Variants in PTPRK observed in about 807,000 individuals in gnomAD.
PTPRK encodes the protein receptor-type tyrosine-protein phosphatase kappa.
PTPRK carries 75 observed loss-of-function variants against 178.0 expected under a neutral mutation model. The observed-to-expected ratio is 0.42, with a 90% CI of 0.35 to 0.51. The LOEUF (loss-of-function observed/expected upper bound fraction) is 0.51. Among genes scored for constraint, PTPRK ranks in the 20% least tolerant of loss-of-function variants. The pLI, the probability that PTPRK is intolerant of heterozygous loss-of-function variation, is 0.02. For synonymous variants in PTPRK, 637 were observed against 620.6 expected, an observed-to-expected ratio of 1.03 and a Z score of -0.39; for missense variants, 1,441 against 1,797.8, an observed-to-expected ratio of 0.80 and a Z score of 3.59.
chr6:128,066,250 A>T (rs1562520627), intron 12 of PTPRK, among the ~76,000 whole-genome samples: 1 of 152,202 alleles, frequency 6.6e-6, no homozygotes, highest in Non-Finnish European at 1.5e-5. Context: ...ATATGTAGGC[A>T]GAAAGTGGAC....
intron 1 of PTPRK, among the ~76,000 whole-genome samples, chr6:128,440,609 G>A (rs1382051670): frequency 1.3e-5 from 2 of 152,084 alleles, no homozygotes; most frequent in East Asian, 1.9e-4. Context: ...GTATGCGTGT[G>A]TGTATATATA....
intron 1 of PTPRK, among the ~76,000 whole-genome samples, chr6:128,491,012 G>A (rs1853689968): frequency 1.3e-5 from 2 of 152,132 alleles, no homozygotes; most frequent in African/African-American, 2.4e-5. Flanking sequence ...AATCACATTG[G>A]GGGTTAGGGC....
At chr6:128,152,612 C>G (rs1797425633) in intron 7 of PTPRK, among the ~76,000 whole-genome samples, 1 of 151,194 alleles carries the variant, frequency 6.6e-6, no homozygotes, top group African/African-American at 2.4e-5. Flanking sequence ...AAGTTTAATG[C>G]TAGAAATCAA....
At chr6:127,994,988 C>G (rs1252160410) in intron 18 of PTPRK, among the ~76,000 whole-genome samples, 1 of 151,878 alleles carries the variant, frequency 6.6e-6, no homozygotes, top group Non-Finnish European at 1.5e-5. Context: ...CAGAAATCAT[C>G]AACAAATAAA....
chr6:128,036,142 C>T (rs936686447), intron 13 of PTPRK, among the ~76,000 whole-genome samples: 20 of 152,038 alleles, frequency 1.3e-4, no homozygotes, highest in African/African-American at 4.8e-4. Flanking sequence ...ACCTCTGTTC[C>T]ATAAGCATGC....
chr6:128,006,752 A>G (rs1375699589), intron 14 of PTPRK, among the ~76,000 whole-genome samples: 1 of 151,028 alleles, frequency 6.6e-6, no homozygotes, highest in Non-Finnish European at 1.5e-5. Context: ...AAAATGGCAT[A>G]CATTTGGAAA....
Position 128,299,864 on chromosome 6 carries a change from T to G in PTPRK, c.495+22175A>C, listed in dbSNP as rs569687055. On this transcript the variant is annotated intron_variant, in intron 3 of 29. Transcript: ENST00000368226. ...AAGCAATGGCAACAAAACCCAAAAT[T>G]GACAAATGGGATCTAATTAAACTAA... 3.1e-3 allele frequency among the ~76,000 whole-genome samples: 470 copies of G among 151,928 alleles called. 2 individuals carry two copies. Among genetic ancestry groups the G allele is most frequent in the African/African-American group, 0.01 (432 of 41,378 alleles).
chr6:128,464,070 A>G (rs1849437126), intron 1 of PTPRK, among the ~76,000 whole-genome samples: 1 of 152,112 alleles, frequency 6.6e-6, no homozygotes, highest in Non-Finnish European at 1.5e-5. Context: ...TTACTTTTAA[A>G]TAAATGATTC....
Position 128,520,285 on chromosome 6 carries a change from C to T in PTPRK, c.74G>A (p.Gly25Glu), listed in dbSNP as rs1446996939. The change falls in exon 1 of 30, where the codon GGA (glycine) becomes GAA (glutamate). Residue 25 changes from glycine (G) to glutamate (E), a missense_variant. Coordinates refer to ENST00000368226, the MANE Select transcript of PTPRK (RefSeq NM_002844.4). Reference sequence around the variant, plus strand: ...TGCGGAGAACTGGCCTTGGGCCGATCCCAGGAGAGGCCAAGGAGAGAGGAG... The same window carrying T: ...TGCGGAGAACTGGCCTTGGGCCGATTCCAGGAGAGGCCAAGGAGAGAGGAG... ...LLLLSPWPLL[G>E]SAQGQFSAGG... The T allele has an allele frequency of 1.2e-6, 2 of 1,606,348 alleles. No homozygotes were observed. Among genetic ancestry groups the T allele is most frequent in the Admixed American group, 3.4e-5 (2 of 59,210 alleles).
chr6:128,113,129 C>A (rs1399141702), intron 7 of PTPRK, among the ~76,000 whole-genome samples: 2 of 152,010 alleles, frequency 1.3e-5, no homozygotes, highest in Admixed American at 1.3e-4. Flanking sequence ...CTCTTCGCCT[C>A]CAGTTCTATC....
intron 11 of PTPRK, among the ~76,000 whole-genome samples, chr6:128,075,448 C>T (rs1783630854): frequency 6.6e-6 from 1 of 152,032 alleles, no homozygotes; most frequent in Admixed American, 6.6e-5. Context: ...CCTAGGCTAT[C>T]TGCAATTCGT....
At chr6:128,253,829 T>C (rs1210309626) in intron 3 of PTPRK, among the ~76,000 whole-genome samples, 1 of 152,208 alleles carries the variant, frequency 6.6e-6, no homozygotes, top group Non-Finnish European at 1.5e-5. Context: ...AAATATCTAT[T>C]AACAGATGAA....
intron 10 of PTPRK, among the ~76,000 whole-genome samples, 162 bp downstream of exon 10, chr6:128,082,275 C>A (rs754545254): frequency 2.0e-5 from 3 of 152,042 alleles, no homozygotes; most frequent in Non-Finnish European, 4.4e-5. Context: ...ACATATAATT[C>A]ATATTCAAAT....
intron 6 of PTPRK, among the ~76,000 whole-genome samples, chr6:128,212,087 A>G (rs113082558): frequency 6.7e-4 from 102 of 152,066 alleles, no homozygotes; most frequent in Non-Finnish European, 1.0e-3. Flanking sequence ...TAGGTAGACT[A>G]TTTTTTATTT....
At chr6:128,246,016 T>C (rs2128286408) in intron 3 of PTPRK, among the ~76,000 whole-genome samples, 1 of 152,298 alleles carries the variant, frequency 6.6e-6, no homozygotes, top group East Asian at 1.9e-4. Flanking sequence ...AAGGATTAAA[T>C]AGCAGCATAT....
intron 7 of PTPRK, among the ~76,000 whole-genome samples, chr6:128,169,447 A>ATC (rs1383186269): frequency 6.6e-6 from 1 of 152,036 alleles, no homozygotes; most frequent in Non-Finnish European, 1.5e-5. Flanking sequence ...CTATAGATCA[A>ATC]TCTCTTTATT....
At position 128,089,824 on chromosome 6, in the gene PTPRK, T is replaced by C; in HGVS notation, c.1331A>G (p.Asp444Gly). 6.2e-7 allele frequency: 1 copy of C among 1,614,148 alleles called. No individual in the cohort carries two copies. Among genetic ancestry groups the C allele is most frequent in the South Asian group, 1.1e-5 (1 of 91,084 alleles). The change falls in exon 8 of 30, where the codon GAC becomes GGC. Residue 444 changes from aspartate (D) to glycine (G), a missense_variant. This residue lies in a region of PTPRK where 945 missense variants were observed against 1,080.6 expected (regional missense o/e 0.87). Coordinates refer to ENST00000368226, the MANE Select transcript of PTPRK (RefSeq NM_002844.4). Reference protein sequence around the residue: ...GHNESKADCLDMDPKAPQHVV... With the variant: ...GHNESKADCLGMDPKAPQHVV... ...ATGCTGAGGGGCTTTGGGGTCCATG[T>C]CCAAACAGTCTGCCTTGCTCTCGTT...
intron 13 of PTPRK, among the ~76,000 whole-genome samples, chr6:128,025,060 A>G (rs1004074564): frequency 7.2e-5 from 11 of 152,256 alleles, no homozygotes; most frequent in African/African-American, 2.7e-4. Flanking sequence ...TATGTGGAAT[A>G]AATTCTACAA....
intron 1 of PTPRK, among the ~76,000 whole-genome samples, chr6:128,419,478 G>A (rs1190764600): frequency 6.6e-6 from 1 of 152,148 alleles, no homozygotes; most frequent in East Asian, 1.9e-4. Flanking sequence ...AGCCGGGCAT[G>A]GTGGCGGGCA....
Sources: allele counts gnomAD v4.1 joint callset (sites outside exome capture counted in the v4.1 genomes callset), GRCh38; gene constraint gnomAD v4.1.1; regional missense constraint gnomAD v4.1.1; transcripts MANE v1.5; gene names NCBI Gene and HGNC (gene_info 2026-07-23, HGNC 2026-07-21).